Variants in SLC8A3 observed in about 807,000 individuals in gnomAD.
The protein encoded by SLC8A3 is solute carrier family 8 member A3, also known as sodium/calcium exchanger 3.
A neutral mutation model predicts 65.4 loss-of-function variants in SLC8A3; 37 were observed. The ratio of observed to expected loss-of-function variants is 0.57; its 90% CI spans 0.44 to 0.74. The LOEUF (loss-of-function observed/expected upper bound fraction) is 0.74. SLC8A3 is among the 30% of genes least tolerant of loss of function. The probability of loss-of-function intolerance (pLI) is 0.00; values close to 1 mark genes in which losing one functional copy is unlikely to be tolerated. For missense variants in SLC8A3, 1,112 were observed against 1,172.1 expected (o/e 0.95, Z 0.75); for synonymous variants, 461 against 444.5 (o/e 1.04, Z -0.47).
chr14:70,048,480 T>C (rs913953232), intron 6 of SLC8A3: 8 of 602,520 alleles, frequency 1.3e-5, no homozygotes, highest in Non-Finnish European at 2.4e-5. Context: ...GTGGGGATAA[T>C]AACTTACCCT....
intron 3 of SLC8A3, 34 bp downstream of exon 3, chr14:70,060,802 T>C (rs375871853): frequency 2.6e-4 from 275 of 1,076,274 alleles, no homozygotes; most frequent in Non-Finnish European, 3.4e-4. Context: ...TTCTTTCTTT[T>C]TTTTTGTTGT....
intron 2 of SLC8A3, among the ~76,000 whole-genome samples, chr14:70,065,588 C>T (rs542228271): frequency 5.4e-4 from 82 of 152,260 alleles, no homozygotes; most frequent in African/African-American, 1.8e-3. Flanking sequence ...TCAAGTCTCA[C>T]GTGTAAGGTC....
intron 2 of SLC8A3, among the ~76,000 whole-genome samples, chr14:70,117,341 C>T (rs1401325719): frequency 6.6e-6 from 1 of 152,250 alleles, no homozygotes; most frequent in Admixed American, 6.5e-5. Context: ...TAGAGCTCCT[C>T]ATGGCCCAGG....
At chr14:70,148,418 C>A (rs1487381697) in intron 2 of SLC8A3, among the ~76,000 whole-genome samples, 1 of 152,056 alleles carries the variant, frequency 6.6e-6, no homozygotes, top group Non-Finnish European at 1.5e-5. Flanking sequence ...AGAGGGTTGG[C>A]AGAAGAGGGT....
Position 70,135,470 on chromosome 14 carries a change from C to T in SLC8A3, c.1784+31169G>A, listed in dbSNP as rs8011364. Among the ~76,000 whole-genome samples, 971 of 152,060 alleles carry T rather than the reference C, an allele frequency of 6.4e-3. 4 individuals carry two copies. The highest frequency in any genetic ancestry group is 0.01 in the Middle Eastern group (3 of 294). On this transcript the variant is annotated intron_variant, in intron 2 of 6. Coordinates refer to ENST00000356921, the MANE Select transcript of SLC8A3 (RefSeq NM_182932.3). ...GTTATTGGAGCACTATTCACAATAGCCAAGATATGGAATCAACCTAAATAT... is the reference window on the plus strand; with the variant it reads ...GTTATTGGAGCACTATTCACAATAGTCAAGATATGGAATCAACCTAAATAT...
intron 2 of SLC8A3, among the ~76,000 whole-genome samples, chr14:70,160,457 G>A (rs1216734545): frequency 6.6e-6 from 1 of 152,072 alleles, no homozygotes; most frequent in Non-Finnish European, 1.5e-5. Flanking sequence ...AAAGTATATG[G>A]GAGAGAATAT....
intron 2 of SLC8A3, among the ~76,000 whole-genome samples, chr14:70,090,293 T>G (rs898913743): frequency 1.3e-5 from 2 of 152,234 alleles, no homozygotes; most frequent in Non-Finnish European, 2.9e-5. Context: ...TAAGGAATAC[T>G]GTGTTCTGAA....
At chr14:70,181,735 C>T in intron 1 of SLC8A3, among the ~76,000 whole-genome samples, 1 of 152,018 alleles carries the variant, frequency 6.6e-6, no homozygotes, top group East Asian at 1.9e-4. Flanking sequence ...GCCTTGAATA[C>T]AAGGAACTGC....
intron 1 of SLC8A3, among the ~76,000 whole-genome samples, chr14:70,177,626 A>T (rs1897987443): frequency 6.6e-6 from 1 of 152,216 alleles, no homozygotes; most frequent in South Asian, 2.1e-4. Flanking sequence ...AGGGCATGGA[A>T]GCCCGAACAA....
chr14:70,123,715 G>T (rs902241603), intron 2 of SLC8A3, among the ~76,000 whole-genome samples: 1 of 152,140 alleles, frequency 6.6e-6, no homozygotes, highest in African/African-American at 2.4e-5. Flanking sequence ...CTCCCAAAGT[G>T]CTGGGATTAC....
chr14:70,115,316 T>C (rs1893583985), intron 2 of SLC8A3, among the ~76,000 whole-genome samples: 1 of 152,198 alleles, frequency 6.6e-6, no homozygotes, highest in Non-Finnish European at 1.5e-5. Flanking sequence ...AGCCCCCTTC[T>C]TCTGATAAAG....
intron 2 of SLC8A3, among the ~76,000 whole-genome samples, chr14:70,105,353 A>G (rs1892798213): frequency 6.6e-6 from 1 of 152,168 alleles, no homozygotes; most frequent in Non-Finnish European, 1.5e-5. Context: ...AAAATAAAAT[A>G]AAACAAAATA....
intron 2 of SLC8A3, among the ~76,000 whole-genome samples, chr14:70,106,278 G>A (rs1892865483): frequency 6.6e-6 from 1 of 151,996 alleles, no homozygotes; most frequent in Non-Finnish European, 1.5e-5. Flanking sequence ...CTCACATCTG[G>A]ATAAATAAAA....
Position 70,052,146 on chromosome 14 carries a change from C to T in SLC8A3, c.1889-32G>A, listed in dbSNP as rs199815371. The T allele has an allele frequency of 2.5e-6, 4 of 1,569,672 alleles. No homozygotes were observed. In the Admixed American group the frequency reaches 7.5e-5, roughly 30 times the overall value. On this transcript the variant is annotated intron_variant, in intron 3 of 6. Coordinates refer to ENST00000356921, the MANE Select transcript of SLC8A3 (RefSeq NM_182932.3). Reference sequence around the variant, plus strand: ...CAAAACAAAATCAGACTCGCTTTAACACCTTTTCCATTCCCTGGAAGGATA... The same window carrying T: ...CAAAACAAAATCAGACTCGCTTTAATACCTTTTCCATTCCCTGGAAGGATA...
At chr14:70,059,031 T>C (rs948062166) in intron 3 of SLC8A3, 2 of 152,228 alleles carry the variant, frequency 1.3e-5, no homozygotes, top group African/African-American at 4.8e-5. Context: ...AAGAATACAA[T>C]GTGGGAAACA....
intron 1 of SLC8A3, among the ~76,000 whole-genome samples, 187 bp downstream of exon 1, chr14:70,188,192 C>T (rs1305338719): frequency 6.6e-6 from 1 of 152,196 alleles, no homozygotes; most frequent in Non-Finnish European, 1.5e-5. Context: ...GGGGCACCCT[C>T]ACCCCACTTC....
At chr14:70,093,896 G>C (rs1891976131) in intron 2 of SLC8A3, among the ~76,000 whole-genome samples, 2 of 152,154 alleles carry the variant, frequency 1.3e-5, no homozygotes, top group African/African-American at 4.8e-5. Context: ...TCATGAGTTG[G>C]GCTGAACCTC....
intron 2 of SLC8A3, among the ~76,000 whole-genome samples, chr14:70,143,565 C>A: frequency 6.6e-6 from 1 of 152,096 alleles, no homozygotes; most frequent in South Asian, 2.1e-4. Context: ...CCCAGCCCCA[C>A]GTCAACACAA....
rs1341844724 is a variant in SLC8A3 at position 70,135,797 on chromosome 14, G to A, written c.1784+30842C>T. On this transcript the variant is annotated intron_variant, in intron 2 of 6. Transcript: ENST00000356921. The stretch of plus-strand genomic sequence containing the variant: ...GAAAAGTTGGTTAATGGGTGCAAAA[G>A]TACACCCTCAACAGAAGGAATAAGT... Among the ~76,000 whole-genome samples the A allele has an allele frequency of 2.0e-5, 3 of 152,100 alleles. No homozygotes were observed. In the East Asian group the frequency reaches 5.8e-4, roughly 29 times the overall value.
Sources: gnomAD v4.1 joint callset for allele counts (sites outside exome capture counted in the v4.1 genomes callset) on GRCh38, gnomAD v4.1.1 for gene constraint, MANE v1.5 for transcripts, NCBI Gene and HGNC (gene_info 2026-07-23, HGNC 2026-07-21) for gene names.